Variants in TPRX1 observed in about 807,000 individuals in gnomAD.
The protein encoded by TPRX1 is tetrapeptide repeat homeobox 1, also known as tetra-peptide repeat homeobox protein 1.
Under a neutral mutation model 8.1 loss-of-function variants are expected in TPRX1, and 2 were observed. The ratio of observed to expected loss-of-function variants is 0.25; its 90% CI spans 0.10 to 0.78. The LOEUF is 0.78. Ranked by LOEUF, TPRX1 falls within the 30% of genes least tolerant of loss-of-function variation. The pLI, the probability that TPRX1 is intolerant of heterozygous loss-of-function variation, is 0.70. For missense variants in TPRX1, 517 were observed against 586.9 expected, an observed-to-expected ratio of 0.88 and a Z score of 1.23; for synonymous variants, 257 against 254.1, an observed-to-expected ratio of 1.01 and a Z score of -0.11.
At chr19:47,815,442 C>T (rs1345495427) in intron 2 of TPRX1, among the ~76,000 whole-genome samples, 4 of 148,666 alleles carry the variant, frequency 2.7e-5, no homozygotes, top group South Asian at 4.2e-4. Context: ...CATGAGCCAC[C>T]GCACCTGGCT....
exon 4 of TPRX1, chr19:47,802,901 C>A (rs1290092733): frequency 6.4e-7 from 1 of 1,572,390 alleles, no homozygotes; most frequent in East Asian, 2.3e-5. Context: ...TCCTCGGCCT[C>A]TCTGCCCAGG....
At chr19:47,818,802 G>A (rs975571988) in intron 1 of TPRX1, among the ~76,000 whole-genome samples, 5 of 152,134 alleles carry the variant, frequency 3.3e-5, no homozygotes, top group African/African-American at 7.2e-5. Context: ...GTGCAGGTTT[G>A]TTACATATGG....
intron 2 of TPRX1, among the ~76,000 whole-genome samples, chr19:47,817,130 T>C (rs1967851314): frequency 6.6e-6 from 1 of 152,194 alleles, no homozygotes; most frequent in African/African-American, 2.4e-5. Context: ...AAGGCCTGAA[T>C]GCTCACAGCC....
exon 4 of TPRX1, chr19:47,802,061 ACTGAGCCTGAGC>A (rs750358346): frequency 6.2e-7 from 1 of 1,602,816 alleles, no homozygotes; most frequent in Non-Finnish European, 8.5e-7. Context: ...TGGAGCTGGG[ACTGAGCCTGAGC>A]CTGGGCCTGA....
chr19:47,815,113 A>ATT (rs1340922534), intron 2 of TPRX1, among the ~76,000 whole-genome samples: 7 of 9,812 alleles, frequency 7.1e-4, no homozygotes, highest in African/African-American at 1.7e-3. Context: ...AAATAGATAA[A>ATT]TTATATATAT....
At position 47,802,310 on chromosome 19, in the gene TPRX1, G is replaced by C. The variant is rs199789805; in HGVS notation, c.992C>G (p.Pro331Arg). 3.3e-5 allele frequency: 49 copies of C among 1,504,982 alleles called. No individual in the cohort carries two copies. In the African/African-American group the frequency reaches 3.7e-4, roughly 11 times the overall value. The allele number at this position is 1,504,982 out of a possible 1,614,324, so 93.2% of individuals were successfully genotyped here. ...TGGGCCTGGGATCGGGCCTGGGTTC[G>C]GGCCTGAGATTGGGCCTGGGATTGG... is the stretch of plus-strand genomic sequence containing the variant. Residue 331 changes from proline (P) to arginine (R), a missense_variant, in exon 4 of 4, where the codon CCG becomes CGG. This residue lies in a region of TPRX1 where 506 missense variants were observed against 515.5 expected (regional missense o/e 0.98). Transcript: ENST00000535759.
chr19:47,805,960 C>T (rs1967731592), intron 2 of TPRX1, among the ~76,000 whole-genome samples: 2 of 152,348 alleles, frequency 1.3e-5, no homozygotes, highest in Non-Finnish European at 2.9e-5. Context: ...CGCGGTGGCT[C>T]ACGCCTGTAA....
At chr19:47,803,152 G>A (rs1268072464) in intron 3 of TPRX1, among the ~76,000 whole-genome samples, 172 bp from the exon 3 acceptor site, 2 of 151,888 alleles carry the variant, frequency 1.3e-5, no homozygotes, top group Non-Finnish European at 2.9e-5. Context: ...GAGGGAAGAG[G>A]GAGGGAAAAG....
At chr19:47,814,377 T>C (rs1967812494) in intron 2 of TPRX1, among the ~76,000 whole-genome samples, 3 of 139,540 alleles carry the variant, frequency 2.1e-5, no homozygotes, top group Admixed American at 7.2e-5. Flanking sequence ...TTTTAAGGTT[T>C]ATTATGCGCT....
intron 2 of TPRX1, chr19:47,818,409 T>G: frequency 4.4e-6 from 2 of 450,058 alleles, no homozygotes; most frequent in Non-Finnish European, 9.0e-6. Context: ...CATCCATCCA[T>G]CCATCCCTCC....
chr19:47,801,825 C>T (rs2123709145), exon 4 of TPRX1: 1 of 1,614,094 alleles, frequency 6.2e-7, no homozygotes, highest in South Asian at 1.1e-5. Context: ...TTCACAGAGC[C>T]ACCCTCCTCT....
At chr19:47,809,235 CA>C (rs1967761114) in intron 2 of TPRX1, among the ~76,000 whole-genome samples, 1 of 152,020 alleles carries the variant, frequency 6.6e-6, no homozygotes. Flanking sequence ...TAAGCACATA[CA>C]AAAAATATAT....
intron 2 of TPRX1, among the ~76,000 whole-genome samples, chr19:47,804,160 A>G (rs1967712086): frequency 6.9e-6 from 1 of 145,646 alleles, no homozygotes; most frequent in South Asian, 2.3e-4. Flanking sequence ...GGCTCAAGGA[A>G]CCCCCCGCCT....
chr19:47,803,002 G>C, intron 3 of TPRX1, 22 bp from the exon 3 acceptor site: 1 of 1,533,252 alleles, frequency 6.5e-7, no homozygotes, highest in Non-Finnish European at 8.7e-7. Flanking sequence ...AGGGGACAGG[G>C]AGAAGGTGTG....
intron 2 of TPRX1, among the ~76,000 whole-genome samples, chr19:47,813,319 C>A (rs1967802075): frequency 6.6e-6 from 1 of 151,768 alleles, no homozygotes; most frequent in South Asian, 2.1e-4. Context: ...CAGGGTGAGA[C>A]CCTGTCTCAA....
chr19:47,802,626 T>C, exon 4 of TPRX1: 1 of 1,547,288 alleles, frequency 6.5e-7, no homozygotes, highest in Non-Finnish European at 8.7e-7. Flanking sequence ...GGGATCGGGC[T>C]TGGGATCTGA....
intron 2 of TPRX1, among the ~76,000 whole-genome samples, chr19:47,804,831 T>C (rs1465792265): frequency 6.6e-6 from 1 of 152,314 alleles, no homozygotes; most frequent in East Asian, 1.9e-4. Context: ...GCGGGTTTGG[T>C]TGGGGGAGTC....
intron 2 of TPRX1, among the ~76,000 whole-genome samples, chr19:47,811,715 T>C (rs1007929149): frequency 6.6e-6 from 1 of 151,704 alleles, no homozygotes; most frequent in Non-Finnish European, 1.5e-5. Context: ...GCCAGGCTGG[T>C]CTCGAACTTC....
intron 2 of TPRX1, among the ~76,000 whole-genome samples, chr19:47,810,201 G>A (rs573335092): frequency 8.1e-6 from 1 of 123,920 alleles, no homozygotes; most frequent in Non-Finnish European, 1.6e-5. Flanking sequence ...GTTGCCGTGA[G>A]CTGAGATTGT....
Sources: gnomAD v4.1 joint callset for allele counts (sites outside exome capture counted in the v4.1 genomes callset) on GRCh38, gnomAD v4.1.1 for gene constraint, gnomAD v4.1.1 regional missense constraint, MANE v1.5 for transcripts, NCBI Gene and HGNC (gene_info 2026-07-23, HGNC 2026-07-21) for gene names.